AGFG1: variants seen among roughly 807,000 people sequenced by gnomAD.
The protein encoded by AGFG1 is ArfGAP with FG repeats 1, also known as arf-GAP domain and FG repeat-containing protein 1.
AGFG1 carries 10 observed loss-of-function variants against 60.6 expected under a neutral mutation model. That is an observed-to-expected ratio of 0.16 (90% CI 0.10 to 0.28). The LOEUF is 0.28. AGFG1 is among the 10% of genes least tolerant of loss of function. The pLI, the probability that AGFG1 is intolerant of heterozygous loss-of-function variation, is 1.00. For missense variants in AGFG1, 537 were observed against 676.5 expected (o/e 0.79, Z 2.29); for synonymous variants, 247 against 242.9 (o/e 1.02, Z -0.16).
At chr2:227,540,937 TGATGGC>T (rs1291529606) in intron 10 of AGFG1, among the ~76,000 whole-genome samples, 4 of 152,264 alleles carry the variant, frequency 2.6e-5, no homozygotes, top group Non-Finnish European at 5.9e-5. Context: ...TGCATTTCTC[TGATGGC>T]CAGTGATGAA....
intron 1 of AGFG1, among the ~76,000 whole-genome samples, chr2:227,487,239 A>G (rs1322925715): frequency 3.3e-5 from 5 of 152,128 alleles, no homozygotes; most frequent in Non-Finnish European, 7.4e-5. Context: ...ACTTTCCATT[A>G]TTTCTTACCC....
At chr2:227,484,677 G>GTTTTTTTTT (rs34405103) in intron 1 of AGFG1, among the ~76,000 whole-genome samples, 2 of 115,906 alleles carry the variant, frequency 1.7e-5, no homozygotes, top group African/African-American at 6.7e-5. Context: ...AGATCTCTTA[G>GTTTTTTTTT]TTTTTTTTTT....
In AGFG1 at chr2:227,534,182, T is replaced by C. The variant is rs142170509; in HGVS notation, c.1024+424T>C. On this transcript the variant is annotated intron_variant, in intron 7 of 12. Transcript: ENST00000310078. ...AAAAAAATTCATGAATTTTACAGTA[T>C]AGTCTTGTATCCAGTTTTATCTTAA... is the stretch of plus-strand genomic sequence containing the variant. Among the ~76,000 whole-genome samples, 45 of 152,268 alleles carry C rather than the reference T, an allele frequency of 3.0e-4. 1 individual carries two copies. Among genetic ancestry groups the C allele is most frequent in the African/African-American group, 8.9e-4 (37 of 41,552 alleles).
At chr2:227,494,199 G>A (rs1690909474) in intron 2 of AGFG1, among the ~76,000 whole-genome samples, 1 of 152,174 alleles carries the variant, frequency 6.6e-6, no homozygotes, top group South Asian at 2.1e-4. Context: ...GATACGAAGT[G>A]TGGGACAGTT....
At chr2:227,538,489 A>T (rs1692379015) in intron 10 of AGFG1, among the ~76,000 whole-genome samples, 1 of 152,226 alleles carries the variant, frequency 6.6e-6, no homozygotes, top group Non-Finnish European at 1.5e-5. Flanking sequence ...TTATAACTTC[A>T]CTTAAGAACT....
chr2:227,511,670 A>G lies in AGFG1; in HGVS notation c.262-8278A>G, dbSNP rs376314200. ...AAAAAAGAGAATTTCTATTGTGCAT[A>G]CATTTGAGGGCTGTTAAGGAAGTTG... On this transcript the variant is annotated intron_variant, in intron 2 of 12. Coordinates refer to ENST00000310078, the MANE Select transcript of AGFG1 (RefSeq NM_004504.5). Among the ~76,000 whole-genome samples, 64 of 152,324 alleles carry G rather than the reference A, an allele frequency of 4.2e-4. No homozygotes were observed. In the South Asian group the frequency reaches 6.2e-3, roughly 15 times the overall value.
At position 227,532,038 on chromosome 2, in the gene AGFG1, C is replaced by T. The variant is rs970865829; in HGVS notation, c.814+828C>T. The T allele has an allele frequency of 7.6e-6, 7 of 917,430 alleles. No homozygotes were observed. In the African/African-American group the frequency reaches 1.2e-4, roughly 16 times the overall value. 56.8% of individuals were successfully genotyped at this position (917,430 alleles called of 1,614,324 possible). ...GATTTTTGGCTGATTACTTTTCTTT[C>T]AACTTTTAACTCTGTGTATTGTCTT... On this transcript the variant is annotated intron_variant, in intron 6 of 12. Coordinates refer to ENST00000310078, the MANE Select transcript of AGFG1 (RefSeq NM_004504.5).
intron 11 of AGFG1, among the ~76,000 whole-genome samples, chr2:227,552,440 T>G (rs781441449): frequency 1.3e-5 from 2 of 152,206 alleles, no homozygotes; most frequent in Non-Finnish European, 2.9e-5. Context: ...GGAGAATTTA[T>G]AGACCTAGAA....
At chr2:227,540,818 T>C (rs1692470225) in intron 10 of AGFG1, among the ~76,000 whole-genome samples, 1 of 152,216 alleles carries the variant, frequency 6.6e-6, no homozygotes, top group African/African-American at 2.4e-5. Flanking sequence ...ACCAGCAGTG[T>C]AAAAGTGTTC....
chr2:227,524,158 G>C (rs1203807401), intron 4 of AGFG1, among the ~76,000 whole-genome samples: 1,623 of 152,102 alleles, frequency 0.011, 26 homozygotes, highest in African/African-American at 0.037. Context: ...TTGTAAAGGT[G>C]AGTTATACAG....
In AGFG1 at chr2:227,503,750, T is replaced by C. The variant is rs150088453; in HGVS notation, c.261+12110T>C. 2.1e-3 allele frequency among the ~76,000 whole-genome samples: 323 copies of C among 152,222 alleles called. 2 individuals carry two copies. Among genetic ancestry groups the C allele is most frequent in the African/African-American group, 7.6e-3 (314 of 41,488 alleles). ...AAATGACCACAGTGCAGATTATCTG[T>C]TTGTCATATTGGTTTTGATAAATTG... On this transcript the variant is annotated intron_variant, in intron 2 of 12. Coordinates refer to ENST00000310078, the MANE Select transcript of AGFG1 (RefSeq NM_004504.5).
intron 1 of AGFG1, among the ~76,000 whole-genome samples, chr2:227,477,994 T>C (rs1328104380): frequency 6.6e-6 from 1 of 152,050 alleles, no homozygotes; most frequent in Admixed American, 6.6e-5. Flanking sequence ...ACTTCTTAGC[T>C]CCAAAATGTG....
At chr2:227,485,243 C>CTTTTTTTT (rs71036201) in intron 1 of AGFG1, among the ~76,000 whole-genome samples, 1 of 110,572 alleles carries the variant, frequency 9.0e-6, no homozygotes, top group Non-Finnish European at 1.8e-5. Flanking sequence ...CGAATCGTTT[C>CTTTTTTTT]TTTTTTTTTT....
rs1414968718 is a variant in AGFG1, at chr2:227,531,151, C to T, written c.755C>T (p.Ser252Leu). Residue 252 changes from serine (S) to leucine (L), a missense_variant, in exon 6 of 13, where the codon TCG becomes TTG. Coordinates refer to ENST00000310078, the MANE Select transcript of AGFG1 (RefSeq NM_004504.5). Reference protein sequence around the residue: ...NFDAFGQSSGSSNFGGFPTAS... With the variant: ...NFDAFGQSSGLSNFGGFPTAS... ...GATGCATTTGGACAGTCTAGTGGTT[C>T]GAGTAATTTTGGAGGTTTCCCCACA... 6.2e-6 allele frequency: 10 copies of T among 1,613,458 alleles called. No homozygotes were observed. Among genetic ancestry groups the T allele is most frequent in the Admixed American group, 1.7e-5 (1 of 59,962 alleles).
intron 5 of AGFG1, 40 bp downstream of exon 5, chr2:227,524,955 A>G: frequency 1.2e-6 from 2 of 1,606,186 alleles, no homozygotes; most frequent in East Asian, 2.2e-5. Context: ...GGGGATGCAT[A>G]TAAAACACCA....
intron 2 of AGFG1, among the ~76,000 whole-genome samples, chr2:227,495,545 C>CAAAAAAAAA (rs1215021284): frequency 1.1e-5 from 1 of 90,138 alleles, no homozygotes; most frequent in Non-Finnish European, 2.3e-5. Context: ...GATACTGTCT[C>CAAAAAAAAA]AAAAAAAAAA....
chr2:227,498,361 A>G (rs1320238049), intron 2 of AGFG1, among the ~76,000 whole-genome samples: 3 of 152,192 alleles, frequency 2.0e-5, no homozygotes, highest in East Asian at 1.9e-4. Context: ...AATACATTGA[A>G]AAACATTTTA....
chr2:227,546,943 C>T (rs72980874), intron 10 of AGFG1, among the ~76,000 whole-genome samples: 23,418 of 152,078 alleles, frequency 0.15, 1,927 homozygotes, highest in Middle Eastern at 0.2. Flanking sequence ...GGCATCTGGC[C>T]CTCAGATCTT....
intron 3 of AGFG1, among the ~76,000 whole-genome samples, chr2:227,520,282 A>G (rs1691787276): frequency 6.6e-6 from 1 of 151,282 alleles, no homozygotes; most frequent in African/African-American, 2.4e-5. Flanking sequence ...TTTTGTTGTA[A>G]TAATTACCAG....
Sources: allele counts gnomAD v4.1 joint callset (sites outside exome capture counted in the v4.1 genomes callset), GRCh38; gene constraint gnomAD v4.1.1; transcripts MANE v1.5; gene names NCBI Gene and HGNC (gene_info 2026-07-23, HGNC 2026-07-21).